PEX14: variants seen among roughly 807,000 people sequenced by gnomAD.
PEX14 encodes peroxisomal biogenesis factor 14.
Under a neutral mutation model 49.5 loss-of-function variants are expected in PEX14, and 15 were observed. The observed-to-expected ratio is 0.30, with a 90% CI of 0.20 to 0.47. PEX14 has a LOEUF of 0.47. Among genes scored for constraint, PEX14 ranks in the 20% least tolerant of loss-of-function variants. PEX14 has a pLI of 1.00. For missense variants in PEX14, 398 were observed against 494.8 expected, an observed-to-expected ratio of 0.80 and a Z score of 1.86; for synonymous variants, 210 against 212.7, an observed-to-expected ratio of 0.99 and a Z score of 0.11.
chr1:10,569,919 C>T (rs1418385828), intron 3 of PEX14, among the ~76,000 whole-genome samples: 2 of 152,142 alleles, frequency 1.3e-5, no homozygotes, highest in African/African-American at 4.8e-5. Context: ...CAGTGATGTA[C>T]ATGAGAGGGT....
intron 2 of PEX14, among the ~76,000 whole-genome samples, chr1:10,516,056 C>A (rs765335381): frequency 6.6e-6 from 1 of 152,134 alleles, no homozygotes; most frequent in Non-Finnish European, 1.5e-5. Context: ...ACTGTTTTTT[C>A]CCCTTTCTTC....
chr1:10,580,327 C>T lies in PEX14; in HGVS notation c.170-18911C>T, dbSNP rs186794549. 8.2e-3 allele frequency among the ~76,000 whole-genome samples: 1,250 copies of T among 152,182 alleles called. 9 individuals are homozygous for T. Among genetic ancestry groups the T allele is most frequent in the Non-Finnish European group, 0.013 (891 of 68,014 alleles). On this transcript the variant is annotated intron_variant, in intron 3 of 8. Coordinates refer to ENST00000356607, the MANE Select transcript of PEX14 (RefSeq NM_004565.3). ...GCAACTTCTGCCTCCCAGGTTCAAG[C>T]GATTCTCCTGCCTTGGCCTCCCGGG...
chr1:10,479,241 G>A (rs186135343), intron 1 of PEX14, among the ~76,000 whole-genome samples: 1 of 152,186 alleles, frequency 6.6e-6, no homozygotes, highest in African/African-American at 2.4e-5. Context: ...GCCAGGCATG[G>A]TAGTGCTTGC....
intron 2 of PEX14, among the ~76,000 whole-genome samples, chr1:10,515,316 A>C (rs1188110512): frequency 1.3e-5 from 2 of 152,142 alleles, no homozygotes; most frequent in African/African-American, 4.8e-5. Context: ...ACTCTTATAC[A>C]TAAATTATCT....
intron 2 of PEX14, among the ~76,000 whole-genome samples, chr1:10,515,364 A>G (rs1259128340): frequency 6.6e-6 from 1 of 152,164 alleles, no homozygotes; most frequent in Non-Finnish European, 1.5e-5. Flanking sequence ...ATGTAAATAC[A>G]TTAATGCATT....
chr1:10,577,563 T>TATATGTATATATATATATATATATATA (rs1557854885), intron 3 of PEX14, among the ~76,000 whole-genome samples: 1 of 2,460 alleles, frequency 4.1e-4, no homozygotes, highest in African/African-American at 1.5e-3. Context: ...TATATATATA[T>TATATGTATATATATATATATATATATA]TTTTTTTTTT....
intron 2 of PEX14, among the ~76,000 whole-genome samples, chr1:10,527,113 C>T (rs1638507008): frequency 6.7e-6 from 1 of 149,882 alleles, no homozygotes; most frequent in Non-Finnish European, 1.5e-5. Context: ...ACTCAGGAGG[C>T]TGAGACAGGA....
intron 2 of PEX14, among the ~76,000 whole-genome samples, chr1:10,503,475 C>T (rs542821009): frequency 5.1e-4 from 77 of 151,328 alleles, no homozygotes; most frequent in African/African-American, 1.7e-3. Flanking sequence ...TTGCTGAAGA[C>T]GTGATCTACA....
chr1:10,611,330 A>T (rs780658649), intron 4 of PEX14, among the ~76,000 whole-genome samples: 3 of 152,226 alleles, frequency 2.0e-5, no homozygotes, highest in Non-Finnish European at 4.4e-5. Flanking sequence ...AGGCTAAAGT[A>T]GGATTGGCCA....
At chr1:10,489,063 C>A (rs1434906427) in intron 1 of PEX14, among the ~76,000 whole-genome samples, 1 of 152,180 alleles carries the variant, frequency 6.6e-6, no homozygotes, top group Non-Finnish European at 1.5e-5. Flanking sequence ...TCACCGCAAC[C>A]CCCGCCTCCT....
intron 5 of PEX14, among the ~76,000 whole-genome samples, chr1:10,618,975 T>C (rs554882128): frequency 6.6e-6 from 1 of 152,342 alleles, no homozygotes; most frequent in African/African-American, 2.4e-5. Context: ...TACACCATTG[T>C]TCTGCCACAG....
chr1:10,576,094 T>C (rs1013099464), intron 3 of PEX14, among the ~76,000 whole-genome samples: 11 of 152,340 alleles, frequency 7.2e-5, no homozygotes, highest in Admixed American at 1.3e-4. Flanking sequence ...GCTTTACTTA[T>C]TGATTTTTAA....
At chr1:10,540,440 G>A (rs1163531212) in intron 3 of PEX14, among the ~76,000 whole-genome samples, 3 of 151,892 alleles carry the variant, frequency 2.0e-5, no homozygotes, top group South Asian at 2.1e-4. Context: ...TAATAGCTCC[G>A]TCATTACTGA....
chr1:10,509,941 T>C lies in PEX14; in HGVS notation c.84+14620T>C, dbSNP rs61602684. ...TTACTCATTACTAACTGGTCTCTCC[T>C]GCTTCCCTTTGTCTGTGAACTAAAT... On this transcript the variant is annotated intron_variant, in intron 2 of 8. Transcript: ENST00000356607. Among the ~76,000 whole-genome samples, 1,113 of 152,344 alleles carry C rather than the reference T, an allele frequency of 7.3e-3. 15 individuals carry two copies. The highest frequency in any genetic ancestry group is 0.025 in the African/African-American group (1,048 of 41,580).
intron 3 of PEX14, among the ~76,000 whole-genome samples, chr1:10,593,505 G>A (rs1570320972): frequency 1.3e-5 from 2 of 152,106 alleles, no homozygotes; most frequent in Non-Finnish European, 2.9e-5. Flanking sequence ...ATGGGAAACA[G>A]CCCCCTGCCA....
intron 4 of PEX14, among the ~76,000 whole-genome samples, chr1:10,606,995 G>A (rs1293601611): frequency 6.6e-6 from 1 of 152,050 alleles, no homozygotes; most frequent in African/African-American, 2.4e-5. Context: ...ACCCTGAAAG[G>A]TTCCCTTGGG....
At chr1:10,590,005 C>A (rs1201025400) in intron 3 of PEX14, among the ~76,000 whole-genome samples, 4 of 152,134 alleles carry the variant, frequency 2.6e-5, no homozygotes. Context: ...TGGAATATTC[C>A]ACCCCCGCCC....
intron 3 of PEX14, among the ~76,000 whole-genome samples, chr1:10,594,692 G>A (rs1476768478): frequency 6.6e-6 from 1 of 152,182 alleles, no homozygotes; most frequent in Non-Finnish European, 1.5e-5. Context: ...GTGCCCAGCG[G>A]TCACTGGGGA....
At chr1:10,627,158 C>CA in intron 7 of PEX14, 114 bp from the exon 8 acceptor site, 3 of 783,690 alleles carry the variant, frequency 3.8e-6, no homozygotes, top group Admixed American at 3.4e-5. Context: ...CCGGGTTCCC[C>CA]AGAACAGACC....
Sources: gnomAD v4.1 joint callset for allele counts (sites outside exome capture counted in the v4.1 genomes callset) on GRCh38, gnomAD v4.1.1 for gene constraint, MANE v1.5 for transcripts, NCBI Gene and HGNC (gene_info 2026-07-23, HGNC 2026-07-21) for gene names.